The following TMEM131L variants were observed in gnomAD, a reference collection of about 807,000 sequenced individuals.
TMEM131L encodes transmembrane 131 like, also known as transmembrane protein 131-like.
Under a neutral mutation model 192.2 loss-of-function variants are expected in TMEM131L, and 54 were observed. The ratio of observed to expected loss-of-function variants is 0.28; its 90% CI spans 0.23 to 0.35. TMEM131L has a LOEUF of 0.35. TMEM131L is among the 10% of genes least tolerant of loss of function. The pLI is 1.00. For missense variants in TMEM131L, 1,888 were observed against 1,972.9 expected (o/e 0.96, Z 0.82); for synonymous variants, 701 against 704.9 (o/e 0.99, Z 0.09).
chr4:153,514,907 G>T (rs1437981056), intron 3 of TMEM131L, among the ~76,000 whole-genome samples: 1 of 151,882 alleles, frequency 6.6e-6, no homozygotes, highest in Non-Finnish European at 1.5e-5. Context: ...CCGCCTCCTG[G>T]GTTCAAGCAA....
chr4:153,632,666 G>A, intron 31 of TMEM131L, 52 bp from the exon 32 acceptor site: 1 of 1,609,416 alleles, frequency 6.2e-7, no homozygotes, highest in South Asian at 1.1e-5. Flanking sequence ...GGAAGGGTAG[G>A]ATGAGGGCCA....
At chr4:153,606,218 C>T (rs1460061760) in intron 25 of TMEM131L, among the ~76,000 whole-genome samples, 1 of 152,126 alleles carries the variant, frequency 6.6e-6, no homozygotes, top group African/African-American at 2.4e-5. Context: ...TGGAGTGAGT[C>T]CTGTTGGACA....
chr4:153,485,036 A>G (rs1047814882), intron 3 of TMEM131L, among the ~76,000 whole-genome samples: 3 of 148,250 alleles, frequency 2.0e-5, no homozygotes, highest in Admixed American at 6.7e-5. Flanking sequence ...GGAGAATGGC[A>G]TGAACCCGGG....
chr4:153,544,758 C>T (rs1419414539), intron 3 of TMEM131L, among the ~76,000 whole-genome samples: 1 of 152,210 alleles, frequency 6.6e-6, no homozygotes, highest in Non-Finnish European at 1.5e-5. Flanking sequence ...TTTCGCTCTT[C>T]TGTTTTTGGA....
chr4:153,593,994 T>C, intron 19 of TMEM131L, 123 bp downstream of exon 19: 1 of 682,922 alleles, frequency 1.5e-6, no homozygotes, highest in Non-Finnish European at 2.6e-6. Context: ...TTATTTTGAT[T>C]CTCTGGGCAT....
chr4:153,633,031 TAAAAG>T (rs762509114), intron 32 of TMEM131L, among the ~76,000 whole-genome samples, 193 bp downstream of exon 32: 2 of 151,582 alleles, frequency 1.3e-5, no homozygotes, highest in Admixed American at 1.3e-4. Context: ...AAACATGAAA[TAAAAG>T]AAAGAAAGCT....
At chr4:153,610,451 A>G (rs1240195877) in intron 25 of TMEM131L, among the ~76,000 whole-genome samples, 2 of 152,190 alleles carry the variant, frequency 1.3e-5, no homozygotes, top group African/African-American at 4.8e-5. Flanking sequence ...ATTTTGTGAC[A>G]TTTGGAGAAT....
At chr4:153,589,070 C>T (rs1198923181) in intron 16 of TMEM131L, 63 bp downstream of exon 16, 2 of 869,818 alleles carry the variant, frequency 2.3e-6, no homozygotes, top group Non-Finnish European at 3.8e-6. Context: ...GTAGTCCCTC[C>T]TTACCTGCGG....
At chr4:153,578,756 G>A (rs1362892873) in intron 7 of TMEM131L, among the ~76,000 whole-genome samples, 2 of 151,808 alleles carry the variant, frequency 1.3e-5, no homozygotes, top group Non-Finnish European at 2.9e-5. Flanking sequence ...TCCTGACCCC[G>A]TGATCCACCC....
chr4:153,468,478 A>G (rs1730927240), intron 2 of TMEM131L, among the ~76,000 whole-genome samples: 1 of 152,160 alleles, frequency 6.6e-6, no homozygotes, highest in African/African-American at 2.4e-5. Flanking sequence ...GTGTTTTTGA[A>G]GGTTTGGAAG....
At chr4:153,536,011 G>A (rs561607376) in intron 3 of TMEM131L, among the ~76,000 whole-genome samples, 3 of 152,180 alleles carry the variant, frequency 2.0e-5, no homozygotes, top group Non-Finnish European at 2.9e-5. Flanking sequence ...TTGAGAGAAG[G>A]ATTGAATGGA....
At chr4:153,552,345 G>A (rs1419295517) in intron 4 of TMEM131L, among the ~76,000 whole-genome samples, 2 of 152,104 alleles carry the variant, frequency 1.3e-5, no homozygotes, top group African/African-American at 4.8e-5. Flanking sequence ...CAGTTCATAG[G>A]TTCCTGGCTG....
chr4:153,594,834 C>T (rs1398663518), intron 19 of TMEM131L, among the ~76,000 whole-genome samples: 1 of 152,008 alleles, frequency 6.6e-6, no homozygotes, highest in Non-Finnish European at 1.5e-5. Flanking sequence ...GCGAGTCTGC[C>T]CCTCTCTCTC....
At chr4:153,517,771 C>T (rs1366478881) in intron 3 of TMEM131L, among the ~76,000 whole-genome samples, 1 of 152,108 alleles carries the variant, frequency 6.6e-6, no homozygotes, top group Non-Finnish European at 1.5e-5. Context: ...GTCATGTGTT[C>T]CCAAACCTTA....
chr4:153,538,919 C>T (rs1736549497), intron 3 of TMEM131L, among the ~76,000 whole-genome samples: 2 of 151,974 alleles, frequency 1.3e-5, no homozygotes, highest in African/African-American at 2.4e-5. Flanking sequence ...ACTGCCGGCG[C>T]GATACTTCGG....
chr4:153,595,714 CAAA>C (rs554812612), intron 19 of TMEM131L, among the ~76,000 whole-genome samples: 3 of 79,888 alleles, frequency 3.8e-5, no homozygotes, highest in Non-Finnish European at 5.9e-5. Flanking sequence ...AGTTTTATGC[CAAA>C]AAAAAAAAAA....
At chr4:153,487,693 C>CGTGTGTGTGTGTGTGT (rs140651689) in intron 3 of TMEM131L, among the ~76,000 whole-genome samples, 71 of 142,098 alleles carry the variant, frequency 5.0e-4, no homozygotes, top group African/African-American at 1.6e-3. Context: ...GCTGCACAGG[C>CGTGTGTGTGTGTGTGT]GTGTGTGTGT....
chr4:153,531,261 C>G (rs1735882019), intron 3 of TMEM131L, among the ~76,000 whole-genome samples: 1 of 152,150 alleles, frequency 6.6e-6, no homozygotes, highest in African/African-American at 2.4e-5. Context: ...GTGCTGGAAC[C>G]CTTGAATCCA....
chr4:153,478,830 T>C (rs1731726451), intron 3 of TMEM131L, among the ~76,000 whole-genome samples: 1 of 152,242 alleles, frequency 6.6e-6, no homozygotes, highest in African/African-American at 2.4e-5. Context: ...TTTCAAATTT[T>C]ATTATGATTT....
Sources: allele counts gnomAD v4.1 joint callset (sites outside exome capture counted in the v4.1 genomes callset), GRCh38; gene constraint gnomAD v4.1.1; transcripts MANE v1.5; gene names NCBI Gene and HGNC (gene_info 2026-07-23, HGNC 2026-07-21).